The following TUSC3 variants were observed in gnomAD, a reference collection of about 807,000 sequenced individuals.
The protein encoded by TUSC3 is dolichyl-diphosphooligosaccharide--protein glycosyltransferase subunit TUSC3.
A neutral mutation model predicts 44.8 loss-of-function variants in TUSC3; 45 were observed. The observed-to-expected ratio is 1.00, with a 90% CI of 0.79 to 1.29. The LOEUF is 1.29. Among genes scored for constraint, TUSC3 ranks in the 50% most tolerant of loss-of-function variants. The probability of loss-of-function intolerance (pLI) is 0.00; values close to 1 mark genes in which losing one functional copy is unlikely to be tolerated. For missense variants in TUSC3, 519 were observed against 437.9 expected (o/e 1.19, Z -1.65); for synonymous variants, 212 against 152.9 (o/e 1.39, Z -2.85).
chr8:15,670,465 A>C (rs1208235754), intron 5 of TUSC3, among the ~76,000 whole-genome samples: 2 of 151,854 alleles, frequency 1.3e-5, no homozygotes, highest in Non-Finnish European at 2.9e-5. Flanking sequence ...ATTTTTGATA[A>C]ATATTGCCGA....
At chr8:15,682,855 T>G (rs1808481332) in intron 6 of TUSC3, among the ~76,000 whole-genome samples, 1 of 151,962 alleles carries the variant, frequency 6.6e-6, no homozygotes, top group African/African-American at 2.4e-5. Flanking sequence ...CTTGTGGTAA[T>G]GAATTCTCTT....
the TUSC3 span, among the ~76,000 whole-genome samples, chr8:15,838,114 C>T: frequency 3.9e-5 from 6 of 152,280 alleles, no homozygotes; most frequent in Admixed American, 6.5e-5. Flanking sequence ...CCACCTCCTG[C>T]GAATATCACT....
intron 1 of TUSC3, among the ~76,000 whole-genome samples, chr8:15,559,102 C>A (rs1416247146): frequency 2.1e-5 from 3 of 144,786 alleles, no homozygotes; most frequent in African/African-American, 7.6e-5. Flanking sequence ...GTTAGGGTGT[C>A]AATTTTGGAT....
intron 5 of TUSC3, among the ~76,000 whole-genome samples, chr8:15,665,818 G>T (rs1231689735): frequency 6.6e-6 from 1 of 151,010 alleles, no homozygotes; most frequent in African/African-American, 2.4e-5. Flanking sequence ...AAATCTTCCT[G>T]GTCTCATGCT....
chr8:15,699,174 A>G (rs535578107), intron 6 of TUSC3, among the ~76,000 whole-genome samples: 53 of 152,292 alleles, frequency 3.5e-4, no homozygotes, highest in African/African-American at 1.2e-3. Flanking sequence ...TAAATGAACA[A>G]TTTTTTAAAA....
At chr8:15,592,780 A>T (rs901826574) in intron 1 of TUSC3, among the ~76,000 whole-genome samples, 5 of 152,172 alleles carry the variant, frequency 3.3e-5, no homozygotes, top group African/African-American at 1.2e-4. Context: ...AGTTCTTGTA[A>T]ATGTAGTAAC....
At chr8:15,526,742 A>T (rs947573633) in intron 2 of TUSC3, among the ~76,000 whole-genome samples, 4 of 152,186 alleles carry the variant, frequency 2.6e-5, no homozygotes, top group Admixed American at 2.0e-4. Context: ...GTTCATCAGC[A>T]GCATGATAAC....
chr8:15,600,731 C>A (rs1480445897), intron 1 of TUSC3, among the ~76,000 whole-genome samples: 1 of 151,566 alleles, frequency 6.6e-6, no homozygotes, highest in Non-Finnish European at 1.5e-5. Flanking sequence ...TCTTCTTGCA[C>A]CCTCTCAACA....
At chr8:15,580,426 A>C (rs1206977776) in intron 1 of TUSC3, among the ~76,000 whole-genome samples, 1 of 58,970 alleles carries the variant, frequency 1.7e-5, no homozygotes, top group Non-Finnish European at 3.7e-5. Context: ...TGGTCTTTAC[A>C]TTTTGGCATG....
intron 6 of TUSC3, among the ~76,000 whole-genome samples, chr8:15,710,339 A>C (rs1231074761): frequency 1.3e-5 from 2 of 151,888 alleles, no homozygotes; most frequent in African/African-American, 4.8e-5. Context: ...AATTTCTTAA[A>C]GTCAGAAATG....
At chr8:15,605,655 ATACATACTAGTC>A (rs574464262) in intron 1 of TUSC3, among the ~76,000 whole-genome samples, 70 of 152,102 alleles carry the variant, frequency 4.6e-4, no homozygotes, top group African/African-American at 1.7e-3. Context: ...TAAAATGTAT[ATACATACTAGTC>A]TATTTTCATC....
chr8:15,682,811 C>CTT lies in TUSC3; in HGVS notation c.798+8987_798+8988dup, dbSNP rs3988415. The stretch of plus-strand genomic sequence containing the variant: ...CTTTTGTTTCCATGTCTAGAACTTT[C>CTT]TTTTTTTTTTTTTGTAGCTGTTGTA... On this transcript the variant is annotated intron_variant, in intron 6 of 10. Coordinates refer to ENST00000503731, the MANE Select transcript of TUSC3 (RefSeq NM_006765.4). Among the ~76,000 whole-genome samples the CTT allele has an allele frequency of 2.8e-3, 360 of 129,786 alleles. 3 individuals carry two copies. Among genetic ancestry groups the CTT allele is most frequent in the South Asian group, 0.02 (83 of 4,134 alleles). The allele number at this position is 129,786 out of a possible 152,430, so 85.1% of individuals were successfully genotyped here. A position where few individuals can be genotyped will look rare whatever the true frequency, so the allele number is the denominator to read the frequency against.
intron 6 of TUSC3, among the ~76,000 whole-genome samples, chr8:15,705,107 C>A (rs1809563761): frequency 6.6e-6 from 1 of 151,272 alleles, no homozygotes; most frequent in Admixed American, 6.6e-5. Flanking sequence ...ATGTAAAATG[C>A]CCTGGGTGCA....
intron 1 of TUSC3, among the ~76,000 whole-genome samples, chr8:15,562,257 C>A (rs942270086): frequency 6.6e-6 from 1 of 152,074 alleles, no homozygotes; most frequent in Non-Finnish European, 1.5e-5. Context: ...GAGATGTTAT[C>A]ATTCGTGGAT....
intron 2 of TUSC3, among the ~76,000 whole-genome samples, chr8:15,524,816 A>G (rs12681279): frequency 0.57 from 87,002 of 152,082 alleles, 28,495 homozygotes; most frequent in Non-Finnish European, 0.71. Flanking sequence ...CAGATTAAAT[A>G]TAGAAAGAGA....
chr8:15,697,398 T>C (rs961139034), intron 6 of TUSC3, among the ~76,000 whole-genome samples: 4 of 152,230 alleles, frequency 2.6e-5, no homozygotes, highest in Non-Finnish European at 5.9e-5. Context: ...TCATTCAGAC[T>C]TTTTGATGTA....
chr8:15,573,172 C>T (rs111566362), intron 1 of TUSC3, among the ~76,000 whole-genome samples: 3,383 of 44,160 alleles, frequency 0.077, 63 homozygotes, highest in East Asian at 0.19. Context: ...CTCTCTTTCT[C>T]TCTCTCTCTC....
intron 1 of TUSC3, among the ~76,000 whole-genome samples, chr8:15,595,465 G>C (rs547856485): frequency 6.6e-6 from 1 of 152,240 alleles, no homozygotes; most frequent in South Asian, 2.1e-4. Flanking sequence ...AGGGAGTAGG[G>C]TGGAACAGAC....
chr8:15,790,179 CTTTT>C, the TUSC3 span, among the ~76,000 whole-genome samples: 4 of 72,232 alleles, frequency 5.5e-5, no homozygotes, highest in Non-Finnish European at 7.2e-5. Context: ...TTGTTAAGGC[CTTTT>C]TTTTTTTTTT....
Sources: gnomAD v4.1 joint callset for allele counts (sites outside exome capture counted in the v4.1 genomes callset) on GRCh38, gnomAD v4.1.1 for gene constraint, MANE v1.5 for transcripts, NCBI Gene and HGNC (gene_info 2026-07-23, HGNC 2026-07-21) for gene names.